KAZN: variants seen among roughly 807,000 people sequenced by gnomAD.
The protein encoded by KAZN is kazrin.
In KAZN, 40 loss-of-function variants were observed where a neutral mutation model predicts 87.4. The ratio of observed to expected loss-of-function variants is 0.46; its 90% CI spans 0.36 to 0.60. The LOEUF (loss-of-function observed/expected upper bound fraction) is 0.60, where lower values mean the gene tolerates loss of function less well. Among genes scored for constraint, KAZN ranks in the 20% least tolerant of loss-of-function variants. KAZN has a pLI of 0.00. For synonymous variants in KAZN, 466 were observed against 458.3 expected (o/e 1.02, Z -0.22); for missense variants, 898 against 1,073.9 (o/e 0.84, Z 2.29).
At chr1:14,272,468 G>A (rs1025365551) in intron 2 of KAZN, among the ~76,000 whole-genome samples, 4 of 152,098 alleles carry the variant, frequency 2.6e-5, no homozygotes, top group African/African-American at 9.7e-5. Flanking sequence ...AACTTTCATG[G>A]GCAAAATTAA....
chr1:14,328,588 A>G (rs1419367133), intron 2 of KAZN, among the ~76,000 whole-genome samples: 1 of 151,966 alleles, frequency 6.6e-6, no homozygotes, highest in Non-Finnish European at 1.5e-5. Flanking sequence ...CCGTAGTCCC[A>G]GCTACTCGGG....
chr1:14,976,048 A>G (rs1665579170), intron 2 of KAZN, among the ~76,000 whole-genome samples: 1 of 144,274 alleles, frequency 6.9e-6, no homozygotes, highest in African/African-American at 2.6e-5. Flanking sequence ...AAAAAAAAAA[A>G]AAAAAGCAAA....
chr1:14,082,071 A>C (rs3817957), intron 1 of KAZN, among the ~76,000 whole-genome samples: 15,137 of 152,230 alleles, frequency 0.099, 926 homozygotes, highest in East Asian at 0.13. Flanking sequence ...CACTATGCCC[A>C]GCCCACTCTG....
chr1:14,924,338 C>T (rs1276596849), intron 1 of KAZN: 1 of 987,942 alleles, frequency 1.0e-6, no homozygotes, highest in Non-Finnish European at 1.2e-6. Context: ...CGCGCAGCCG[C>T]TGGTAGCGTC....
intron 2 of KAZN, among the ~76,000 whole-genome samples, chr1:14,452,877 A>G (rs1231697554): frequency 6.6e-6 from 1 of 152,226 alleles, no homozygotes; most frequent in Non-Finnish European, 1.5e-5. Context: ...GAGCCAGACA[A>G]GCCACAGTAA....
intron 1 of KAZN, among the ~76,000 whole-genome samples, chr1:13,915,965 A>G (rs1040322116): frequency 2.0e-5 from 3 of 152,216 alleles, no homozygotes; most frequent in Non-Finnish European, 4.4e-5. Flanking sequence ...GGCTTTGAAA[A>G]AGACTGGTGT....
rs113008272 is a variant in KAZN at position 14,066,780 on chromosome 1, T to C, written c.92-113655T>C. ...GGTTGATAAGTTACAGGGTAGAAGA[T>C]TGCAGACCAAATTCTGCCATCTGTA... On this transcript the variant is annotated intron_variant, in intron 1 of 16. Coordinates refer to the KAZN transcript ENST00000636203. Among the ~76,000 whole-genome samples the C allele has an allele frequency of 3.8e-3, 580 of 152,278 alleles. 4 individuals are homozygous for C. The highest frequency in any genetic ancestry group is 0.013 in the African/African-American group (555 of 41,554).
intron 1 of KAZN, among the ~76,000 whole-genome samples, chr1:14,671,024 T>C (rs757905906): frequency 6.6e-6 from 1 of 152,114 alleles, no homozygotes; most frequent in Non-Finnish European, 1.5e-5. Flanking sequence ...AAAGATTCAA[T>C]CCCAGAATTG....
At chr1:14,056,118 T>C (rs1035112395) in intron 1 of KAZN, among the ~76,000 whole-genome samples, 1 of 152,252 alleles carries the variant, frequency 6.6e-6, no homozygotes, top group African/African-American at 2.4e-5. Context: ...CTCAGCTTCA[T>C]GGAGCCTCAG....
intron 1 of KAZN, among the ~76,000 whole-genome samples, chr1:14,851,461 A>C (rs561538455): frequency 1.6e-3 from 250 of 152,332 alleles, no homozygotes; most frequent in Middle Eastern, 3.4e-3. Context: ...TGTCCCAAGG[A>C]CCAACCCTTG....
chr1:14,085,752 T>C (rs927684473), intron 1 of KAZN, among the ~76,000 whole-genome samples: 1 of 152,224 alleles, frequency 6.6e-6, no homozygotes, highest in Non-Finnish European at 1.5e-5. Flanking sequence ...ATATGAGCTT[T>C]TATTTCTCTT....
chr1:14,077,762 G>T (rs550679868), intron 1 of KAZN, among the ~76,000 whole-genome samples: 3 of 152,202 alleles, frequency 2.0e-5, no homozygotes, highest in Non-Finnish European at 4.4e-5. Flanking sequence ...AAGTTAAAAA[G>T]AGGTCACTGG....
chr1:14,358,237 T>C (rs531029236), intron 2 of KAZN, among the ~76,000 whole-genome samples: 20 of 152,064 alleles, frequency 1.3e-4, no homozygotes, highest in Non-Finnish European at 2.6e-4. Flanking sequence ...CTGATGGTAG[T>C]TTGTATTTCT....
chr1:14,166,468 T>C lies in KAZN; in HGVS notation c.92-13967T>C, dbSNP rs547134265. 1.6e-4 allele frequency among the ~76,000 whole-genome samples: 24 copies of C among 152,344 alleles called. No homozygotes were observed. In the East Asian group the frequency reaches 4.6e-3, roughly 29 times the overall value. On this transcript the variant is annotated intron_variant, in intron 1 of 16. Coordinates refer to the KAZN transcript ENST00000636203. ...TCTTTGTCCTCAAGTTTCTCATCTA[T>C]GAAATGCGGGTGATCAGATCACCAT...
chr1:15,109,820 ATGTATG>A (rs1641437462), intron 13 of KAZN, among the ~76,000 whole-genome samples: 1 of 139,420 alleles, frequency 7.2e-6, no homozygotes, highest in African/African-American at 2.6e-5. Context: ...TTGTATGTGT[ATGTATG>A]TGTATGTGGT....
intron 1 of KAZN, among the ~76,000 whole-genome samples, chr1:14,056,644 A>G (rs962312716): frequency 8.5e-5 from 13 of 152,220 alleles, no homozygotes; most frequent in Non-Finnish European, 5.9e-5. Flanking sequence ...TGTCACCGAT[A>G]AGGAGACCGA....
At chr1:14,196,951 G>C (rs1339628894) in intron 2 of KAZN, among the ~76,000 whole-genome samples, 1 of 152,046 alleles carries the variant, frequency 6.6e-6, no homozygotes, top group African/African-American at 2.4e-5. Flanking sequence ...TTAAGAAGCT[G>C]AAAATGATCC....
At chr1:14,823,076 G>A (rs1003400984) in intron 1 of KAZN, among the ~76,000 whole-genome samples, 3 of 152,040 alleles carry the variant, frequency 2.0e-5, no homozygotes, top group Admixed American at 1.3e-4. Flanking sequence ...GAGACAACTC[G>A]GCTTCCCCCT....
chr1:14,985,873 C>T (rs1318846329), intron 2 of KAZN, among the ~76,000 whole-genome samples: 1 of 151,894 alleles, frequency 6.6e-6, no homozygotes, highest in Non-Finnish European at 1.5e-5. Flanking sequence ...CGTGGTGGCA[C>T]ATGCCTGTAA....
Sources: allele counts gnomAD v4.1 joint callset (sites outside exome capture counted in the v4.1 genomes callset), GRCh38; gene constraint gnomAD v4.1.1; transcripts MANE v1.5; gene names NCBI Gene and HGNC (gene_info 2026-07-23, HGNC 2026-07-21).